EPS15: variants seen among roughly 807,000 people sequenced by gnomAD.
EPS15 encodes the protein epidermal growth factor receptor pathway substrate 15, also known as epidermal growth factor receptor substrate 15.
Under a neutral mutation model 113.8 loss-of-function variants are expected in EPS15, and 72 were observed. The observed-to-expected ratio is 0.63, with a 90% CI of 0.52 to 0.77. The LOEUF is 0.77. Ranked by LOEUF, EPS15 falls within the 30% of genes least tolerant of loss-of-function variation. The pLI is 0.00. For synonymous variants in EPS15, 344 were observed against 363.4 expected (o/e 0.95, Z 0.61); for missense variants, 1,048 against 1,045.8 (o/e 1.00, Z -0.03).
At position 51,508,380 on chromosome 1, in the gene EPS15, GAA is replaced by G. The variant is rs201284333; in HGVS notation, c.33+10817_33+10818del. On this transcript the variant is annotated intron_variant, in intron 1 of 24. Coordinates refer to ENST00000371733, the MANE Select transcript of EPS15 (RefSeq NM_001981.3). ...AGAAAGAAAGAAAGAAAGAAAGAAA[GAA>G]AGAGAAAATTTAAACAAATACATAT... 3.2e-4 allele frequency among the ~76,000 whole-genome samples: 48 copies of G among 148,032 alleles called. 1 individual carries two copies. The East Asian group carries it at 9.2e-3, about 28-fold the overall frequency.
intron 21 of EPS15, among the ~76,000 whole-genome samples, chr1:51,393,482 G>A (rs994674973): frequency 2.0e-5 from 3 of 152,182 alleles, no homozygotes; most frequent in Non-Finnish European, 2.9e-5. Flanking sequence ...GATTACAGGC[G>A]TGAGCCACCG....
intron 12 of EPS15, among the ~76,000 whole-genome samples, chr1:51,426,716 T>C (rs1368787159): frequency 6.6e-6 from 1 of 151,748 alleles, no homozygotes; most frequent in Non-Finnish European, 1.5e-5. Flanking sequence ...AAACTTGAGA[T>C]GCAACATAAA....
In EPS15 at chr1:51,481,294, T is replaced by C. The variant is rs1161722361; in HGVS notation, c.54A>G (p.Val18=). The change falls in exon 2 of 25, where the codon GTA becomes GTG. Residue 18 remains valine (V), a synonymous_variant. Transcript: ENST00000371733. The part of the protein sequence containing the change: ...SLTQLSSGNP[V]YEKYYRQVDT... Reference sequence around the variant, plus strand: ...TTACCTGTCTATAGTATTTTTCATATACAGGATTCCCACTTGATAACTGAA... The same window carrying C: ...TTACCTGTCTATAGTATTTTTCATACACAGGATTCCCACTTGATAACTGAA... 1.5e-6 allele frequency: 2 copies of C among 1,374,972 alleles called. No homozygotes were observed. The highest frequency in any genetic ancestry group is 2.3e-5 in the East Asian group (1 of 43,396). 85.2% of individuals were successfully genotyped at this position (1,374,972 alleles called of 1,614,324 possible).
chr1:51,416,016 T>C (rs1225971728), intron 13 of EPS15, among the ~76,000 whole-genome samples: 1 of 152,102 alleles, frequency 6.6e-6, no homozygotes, highest in Admixed American at 6.6e-5. Flanking sequence ...AGCATCTAGA[T>C]ATACTTAGCA....
In EPS15 at chr1:51,463,730, AC is replaced by A. The variant is rs756839496; in HGVS notation, c.443del (p.Gly148ValfsTer4). ...SLSPVNGFLS[G>X]DKVKPVLLNS... Reference sequence around the variant, plus strand: ...TGAGCAACACTGGTTTCACTTTATCACCAGACAGAAATCCATTCACTGGGCT... The same window carrying A: ...TGAGCAACACTGGTTTCACTTTATCACAGACAGAAATCCATTCACTGGGCT... On this transcript the variant is annotated frameshift_variant, in exon 7 of 25. Coordinates refer to ENST00000371733, the MANE Select transcript of EPS15 (RefSeq NM_001981.3). LOFTEE classifies it high-confidence loss of function. The A allele has an allele frequency of 1.2e-6, 2 of 1,602,762 alleles. No individual in the cohort carries two copies. The highest frequency in any genetic ancestry group is 8.5e-7 in the Non-Finnish European group (1 of 1,170,226).
chr1:51,400,733 A>AACAAAAAAAAAAAAAAAAAAAAAAAAG (rs1553120051), intron 19 of EPS15, among the ~76,000 whole-genome samples, 185 bp downstream of exon 19: 3 of 147,764 alleles, frequency 2.0e-5, no homozygotes, highest in Admixed American at 6.7e-5. Flanking sequence ...AAAAAAAAAA[A>AACAAAAAAAAAAAAAAAAAAAAAAAAG]AAGAAGAAGT....
chr1:51,470,510 G>A (rs371236121), intron 4 of EPS15, among the ~76,000 whole-genome samples: 123 of 151,990 alleles, frequency 8.1e-4, no homozygotes, highest in East Asian at 2.3e-3. Context: ...AGCCAGGTGC[G>A]GAGGCATATG....
intron 1 of EPS15, among the ~76,000 whole-genome samples, chr1:51,515,413 C>T (rs2148571717): frequency 6.6e-6 from 1 of 151,228 alleles, no homozygotes; most frequent in South Asian, 2.1e-4. Context: ...GTTGAGGATG[C>T]AGTGAGCCTG....
At chr1:51,511,321 C>T (rs1450674363) in intron 1 of EPS15, among the ~76,000 whole-genome samples, 1 of 151,642 alleles carries the variant, frequency 6.6e-6, no homozygotes, top group Non-Finnish European at 1.5e-5. Context: ...TGGTGAAATC[C>T]ATCTGTACTA....
chr1:51,417,048 C>T (rs141304341), intron 13 of EPS15, among the ~76,000 whole-genome samples: 165 of 151,978 alleles, frequency 1.1e-3, no homozygotes, highest in African/African-American at 3.9e-3. Flanking sequence ...TTAGAAAACC[C>T]CATTAACAGA....
intron 12 of EPS15, among the ~76,000 whole-genome samples, chr1:51,430,298 G>A (rs1651602671): frequency 6.6e-6 from 1 of 152,096 alleles, no homozygotes; most frequent in Non-Finnish European, 1.5e-5. Flanking sequence ...GCCGGGTGCA[G>A]TGGCTCATGT....
At chr1:51,455,011 G>C (rs888942643) in intron 8 of EPS15, among the ~76,000 whole-genome samples, 3 of 151,138 alleles carry the variant, frequency 2.0e-5, no homozygotes, top group Non-Finnish European at 2.9e-5. Flanking sequence ...TGTGCTTAAA[G>C]AAGCTAAATT....
chr1:51,401,097 T>C (rs11590272), intron 18 of EPS15, 144 bp from the exon 19 acceptor site: 25,253 of 543,940 alleles, frequency 0.046, 810 homozygotes, highest in Middle Eastern at 0.075. Flanking sequence ...AGGAATGTCA[T>C]TGACCTTATG....
rs76921433 is a variant in EPS15, at chr1:51,375,712, A to G, written c.2120-9683T>C. On this transcript the variant is annotated intron_variant, in intron 21 of 24. Transcript: ENST00000371733. ...GACCTGAATGACCTATATAATAATAACTAATTCTCCTTCTCCATATTCTCA... is the reference window on the plus strand; with the variant it reads ...GACCTGAATGACCTATATAATAATAGCTAATTCTCCTTCTCCATATTCTCA... 7.0e-4 allele frequency among the ~76,000 whole-genome samples: 107 copies of G among 152,340 alleles called. 3 individuals are homozygous for G. In the East Asian group the frequency reaches 0.017, roughly 24 times the overall value.
intron 21 of EPS15, among the ~76,000 whole-genome samples, chr1:51,374,338 C>T (rs1003234967): frequency 3.3e-5 from 5 of 152,120 alleles, no homozygotes; most frequent in East Asian, 3.9e-4. Flanking sequence ...AGTATCCTGC[C>T]GGGTACGGTT....
At chr1:51,438,868 GA>G (rs1211945580) in intron 12 of EPS15, among the ~76,000 whole-genome samples, 1 of 151,634 alleles carries the variant, frequency 6.6e-6, no homozygotes, top group Non-Finnish European at 1.5e-5. Context: ...CTTTGGATTT[GA>G]TTTTTTTTTT....
At chr1:51,451,985 C>T (rs1260649760) in intron 8 of EPS15, among the ~76,000 whole-genome samples, 1 of 151,912 alleles carries the variant, frequency 6.6e-6, no homozygotes, top group Non-Finnish European at 1.5e-5. Flanking sequence ...GGGCTCAAGC[C>T]TTCCTCCCAC....
chr1:51,358,409 C>T (rs1470024927), intron 24 of EPS15, among the ~76,000 whole-genome samples: 1 of 152,190 alleles, frequency 6.6e-6, no homozygotes, highest in East Asian at 1.9e-4. Context: ...TTATCTACCC[C>T]AAACAGCAAC....
chr1:51,508,240 A>AAAGAAAAGAAAAGAAAAGAG (rs1644539008), intron 1 of EPS15, among the ~76,000 whole-genome samples: 5 of 77,750 alleles, frequency 6.4e-5, no homozygotes, highest in Non-Finnish European at 1.4e-4. Flanking sequence ...AAAGAAAAGA[A>AAAGAAAAGAAAAGAAAAGAG]AGAGAGAAAG....
Sources: gnomAD v4.1 joint callset for allele counts (sites outside exome capture counted in the v4.1 genomes callset) on GRCh38, gnomAD v4.1.1 for gene constraint, MANE v1.5 for transcripts, NCBI Gene and HGNC (gene_info 2026-07-23, HGNC 2026-07-21) for gene names.